SULF2: variants seen among roughly 807,000 people sequenced by gnomAD.
The protein encoded by SULF2 is extracellular sulfatase Sulf-2.
SULF2 carries 52 observed loss-of-function variants against 107.7 expected under a neutral mutation model. The observed-to-expected ratio is 0.48, with a 90% confidence interval of 0.39 to 0.61. The LOEUF (loss-of-function observed/expected upper bound fraction) is 0.61. SULF2 is among the 20% of genes least tolerant of loss of function. The pLI, the probability that SULF2 is intolerant of heterozygous loss-of-function variation, is 0.00. For missense variants in SULF2, 993 were observed against 1,177.3 expected (o/e 0.84, Z 2.29); for synonymous variants, 460 against 464.3 (o/e 0.99, Z 0.12).
Position 47,754,049 on chromosome 20 carries a change from T to C in SULF2, c.175+3140A>G, listed in dbSNP as rs185704614. Among the ~76,000 whole-genome samples the C allele has an allele frequency of 2.6e-5, 4 of 152,310 alleles. No homozygotes were observed. In the East Asian group the frequency reaches 7.7e-4, roughly 29 times the overall value. ...CCCTGGAAGCAGTTCCCCTGGGCAT[T>C]TGATAATTCCAAATGACAGCTTAGG... On this transcript the variant is annotated intron_variant, in intron 2 of 20. Coordinates refer to ENST00000688720, the MANE Select transcript of SULF2 (RefSeq NM_001387048.1).
At chr20:47,697,442 G>A (rs2088418734) in intron 4 of SULF2, among the ~76,000 whole-genome samples, 1 of 152,178 alleles carries the variant, frequency 6.6e-6, no homozygotes, top group African/African-American at 2.4e-5. Flanking sequence ...ATTCTGCCTT[G>A]CCAGAGGCAT....
At position 47,660,869 on chromosome 20, in the gene SULF2, A is replaced by T. The variant is rs148754784; in HGVS notation, c.2494+904T>A. On this transcript the variant is annotated intron_variant, in intron 18 of 20. Transcript: ENST00000688720. ...AAACAAAACTCAGGATTTACCTGGG[A>T]CTCCTAATCCCGCACCTCCCATCAC... Among the ~76,000 whole-genome samples the T allele has an allele frequency of 3.1e-3, 476 of 151,928 alleles. 2 individuals carry two copies. The highest frequency in any genetic ancestry group is 5.3e-3 in the Non-Finnish European group (363 of 67,928).
At chr20:47,736,592 C>G in intron 3 of SULF2, 111 bp downstream of exon 3, 13 of 1,410,378 alleles carry the variant, frequency 9.2e-6, no homozygotes, top group Non-Finnish European at 1.2e-5. Context: ...GAGAGTTGCT[C>G]TAGGGGCTAT....
At chr20:47,752,154 C>G (rs377308372) in intron 2 of SULF2, among the ~76,000 whole-genome samples, 5 of 152,338 alleles carry the variant, frequency 3.3e-5, no homozygotes, top group East Asian at 3.9e-4. Context: ...TTGCTGTAGA[C>G]AAACAACACT....
At chr20:47,749,042 C>T (rs570059723) in intron 2 of SULF2, among the ~76,000 whole-genome samples, 1 of 151,634 alleles carries the variant, frequency 6.6e-6, no homozygotes, top group Non-Finnish European at 1.5e-5. Context: ...GCCCTTCTGC[C>T]TCTGCTTCCT....
At chr20:47,661,945 C>T (rs750334746) in intron 17 of SULF2, 49 bp from the exon 18 acceptor site, 31 of 1,436,472 alleles carry the variant, frequency 2.2e-5, no homozygotes, top group Admixed American at 1.9e-4. Context: ...CAGGGACTCT[C>T]GCCCTGCCCT....
chr20:47,735,702 C>T (rs940442025), intron 3 of SULF2, among the ~76,000 whole-genome samples: 4 of 152,180 alleles, frequency 2.6e-5, no homozygotes, highest in African/African-American at 9.6e-5. Context: ...AACATACTTT[C>T]TAGGTGATTC....
chr20:47,716,107 T>C (rs1228968990), intron 3 of SULF2, among the ~76,000 whole-genome samples: 7 of 152,176 alleles, frequency 4.6e-5, no homozygotes, highest in Admixed American at 3.9e-4. Context: ...TTCAATATGG[T>C]CAAAATTTAT....
intron 3 of SULF2, 132 bp downstream of exon 3, chr20:47,736,571 T>C (rs2089734980): frequency 1.6e-6 from 2 of 1,266,480 alleles, no homozygotes; most frequent in African/African-American, 3.0e-5. Flanking sequence ...TGCACAACTC[T>C]GAAATTATAA....
At position 47,684,354 on chromosome 20, in the gene SULF2, G is replaced by A. The variant is rs955398209; in HGVS notation, c.888+77C>T. On this transcript the variant is annotated intron_variant, in intron 6 of 20. Transcript: ENST00000688720. Reference sequence around the variant, plus strand: ...TCTATTCCTCCAGGAAAACCCTGAAGGGCCAGGAGGTCTCGGCCCTGGCCT... The same window carrying A: ...TCTATTCCTCCAGGAAAACCCTGAAAGGCCAGGAGGTCTCGGCCCTGGCCT... 3.5e-6 allele frequency: 5 copies of A among 1,437,534 alleles called. No homozygotes were observed. The African/African-American group carries it at 4.3e-5, about 12-fold the overall frequency. The allele number at this position is 1,437,534 out of a possible 1,614,324, so 89.0% of individuals were successfully genotyped here.
chr20:47,690,394 T>C (rs952301144), intron 4 of SULF2, 99 bp from the exon 5 acceptor site: 4 of 964,962 alleles, frequency 4.1e-6, no homozygotes, highest in African/African-American at 1.7e-5. Flanking sequence ...GGGGACACAA[T>C]AGTGAACAAA....
intron 2 of SULF2, among the ~76,000 whole-genome samples, chr20:47,756,526 C>T (rs772261133): frequency 1.3e-5 from 2 of 152,168 alleles, no homozygotes; most frequent in African/African-American, 2.4e-5. Context: ...ACCAACAACA[C>T]GCTGTTATCC....
intron 14 of SULF2, among the ~76,000 whole-genome samples, 166 bp from the exon 15 acceptor site, chr20:47,664,355 G>A (rs2087193173): frequency 6.6e-6 from 1 of 152,244 alleles, no homozygotes; most frequent in South Asian, 2.1e-4. Context: ...CAGGGCAGCA[G>A]GTGCCTGCCT....
chr20:47,698,829 C>G (rs1334916974), intron 4 of SULF2, among the ~76,000 whole-genome samples: 1 of 151,994 alleles, frequency 6.6e-6, no homozygotes, highest in Non-Finnish European at 1.5e-5. Flanking sequence ...ATTGGGAGTT[C>G]GAGACCAGCC....
chr20:47,783,829 C>T (rs1039929339), intron 1 of SULF2, among the ~76,000 whole-genome samples: 1 of 152,166 alleles, frequency 6.6e-6, no homozygotes, highest in East Asian at 1.9e-4. Context: ...CTTATTAGAA[C>T]GCTAAATTAC....
chr20:47,741,041 G>T (rs1487366861), intron 2 of SULF2, among the ~76,000 whole-genome samples: 1 of 152,054 alleles, frequency 6.6e-6, no homozygotes, highest in Non-Finnish European at 1.5e-5. Flanking sequence ...TCGTACCCTT[G>T]CCACCTCCCC....
At chr20:47,691,835 G>C (rs2088206900) in intron 4 of SULF2, among the ~76,000 whole-genome samples, 2 of 152,210 alleles carry the variant, frequency 1.3e-5, no homozygotes, top group Non-Finnish European at 2.9e-5. Flanking sequence ...TAAATGGCCA[G>C]AACTGGAGGC....
At chr20:47,663,377 G>A (rs1207654283) in intron 16 of SULF2, 76 bp downstream of exon 16, 1 of 1,592,554 alleles carries the variant, frequency 6.3e-7, no homozygotes, top group Non-Finnish European at 8.5e-7. Flanking sequence ...TCTGAGAGAG[G>A]TCTGGGTCAC....
In SULF2 at chr20:47,694,009, C is replaced by T. The variant is rs891945808; in HGVS notation, c.568-3714G>A. 6.6e-6 allele frequency among the ~76,000 whole-genome samples: 1 copy of T among 152,208 alleles called. No individual in the cohort carries two copies. Among genetic ancestry groups the T allele is most frequent in the African/African-American group, 2.4e-5 (1 of 41,466 alleles). On this transcript the variant is annotated intron_variant, in intron 4 of 20. Coordinates refer to ENST00000688720, the MANE Select transcript of SULF2 (RefSeq NM_001387048.1). The surrounding 1 kb of genome is among the most constrained non-coding windows in gnomAD (Gnocchi z 4.4). The stretch of plus-strand genomic sequence containing the variant: ...TTTCTCCATGTCTGAGAGCTCCCCT[C>T]CTTATCCATCCTCCTCAGTGGCCAC...
Sources: allele counts gnomAD v4.1 joint callset (sites outside exome capture counted in the v4.1 genomes callset), GRCh38; gene constraint gnomAD v4.1.1; non-coding constraint Gnocchi (gnomAD v3.1); transcripts MANE v1.5; gene names NCBI Gene and HGNC (gene_info 2026-07-23, HGNC 2026-07-21).